Variants in SV2B observed in about 807,000 individuals in gnomAD.
The protein encoded by SV2B is synaptic vesicle glycoprotein 2B, also known as solute carrier family 22 member B2.
SV2B carries 41 observed loss-of-function variants against 73.9 expected under a neutral mutation model. The observed-to-expected ratio is 0.56, with a 90% CI of 0.43 to 0.72. The LOEUF is 0.72. SV2B is among the 30% of genes least tolerant of loss of function. The probability of loss-of-function intolerance (pLI) is 0.00; values close to 1 mark genes in which losing one functional copy is unlikely to be tolerated. For synonymous variants in SV2B, 314 were observed against 314.2 expected (o/e 1.00, Z 0.01); for missense variants, 764 against 857.8 (o/e 0.89, Z 1.37).
At chr15:91,112,611 T>C (rs1225583405) in intron 1 of SV2B, among the ~76,000 whole-genome samples, 1 of 152,166 alleles carries the variant, frequency 6.6e-6, no homozygotes, top group Non-Finnish European at 1.5e-5. Context: ...GGAAGCAGGA[T>C]TTGCCTGTAT....
chr15:91,255,343 G>T (rs62026598), intron 4 of SV2B, among the ~76,000 whole-genome samples: 17,896 of 152,064 alleles, frequency 0.12, 1,169 homozygotes, highest in Middle Eastern at 0.15. Context: ...CAGATGAGAT[G>T]ATTATTCTAA....
At chr15:91,180,425 A>G (rs959120507) in intron 1 of SV2B, among the ~76,000 whole-genome samples, 57 of 151,886 alleles carry the variant, frequency 3.8e-4, no homozygotes, top group African/African-American at 1.4e-3. Context: ...TATTTCCTGA[A>G]TCTGAATGTT....
In SV2B at chr15:91,258,645, C is replaced by T. The variant is rs761824784; in HGVS notation, c.918+91C>T. 2.4e-5 allele frequency: 38 copies of T among 1,567,752 alleles called. No individual in the cohort carries two copies. The highest frequency in any genetic ancestry group is 2.9e-5 in the Non-Finnish European group (34 of 1,154,578). On this transcript the variant is annotated intron_variant, in intron 5 of 12. Transcript: ENST00000394232. The surrounding 1 kb of genome is among the most constrained non-coding windows in gnomAD (Gnocchi z 4.7). ...CTTCTCTCAGCTCCTAGTCCCACAT[C>T]CTCTGCTGCTTATGTGTTGCAAACT...
chr15:91,249,136 T>G (rs2047380953), intron 2 of SV2B, among the ~76,000 whole-genome samples: 1 of 151,348 alleles, frequency 6.6e-6, no homozygotes, highest in African/African-American at 2.4e-5. Context: ...CTGTCCTACC[T>G]TCTAGCCTGA....
chr15:91,257,811 T>C (rs1380410012), intron 4 of SV2B, among the ~76,000 whole-genome samples: 1 of 152,128 alleles, frequency 6.6e-6, no homozygotes, highest in Middle Eastern at 3.2e-3. Flanking sequence ...TCATCCAGAT[T>C]ATGCTCTGGG....
rs62026603 is a variant in SV2B at position 91,268,662 on chromosome 15, A to C, written c.1373+57A>C. 0.1 allele frequency: 159,551 copies of C among 1,569,816 alleles called. 8,813 individuals are homozygous for C. Among genetic ancestry groups the C allele is most frequent in the Non-Finnish European group, 0.11 (132,399 of 1,151,316 alleles). ...CAGGGTGACAGTCGTGGGGACTGTT[A>C]TTGGGAGGGAGCCGGAGGGAAGATA... On this transcript the variant is annotated intron_variant, in intron 9 of 12. Coordinates refer to ENST00000394232, the MANE Select transcript of SV2B (RefSeq NM_001323032.3). This position sits in a 1 kb window ranked among gnomAD's most constrained non-coding sequence, Gnocchi z 4.4.
Position 91,122,791 on chromosome 15 carries a change from G to A in SV2B, c.-392+22428G>A, listed in dbSNP as rs530013856. On this transcript the variant is annotated intron_variant, in intron 1 of 12. Coordinates refer to ENST00000394232, the MANE Select transcript of SV2B (RefSeq NM_001323032.3). This position sits in a 1 kb window ranked among gnomAD's most constrained non-coding sequence, Gnocchi z 4.3. The stretch of plus-strand genomic sequence containing the variant: ...ACACTGCCTGATCTCACTGATAAAC[G>A]GAATCTAAAAAAGTTGAGCTCATCG... Among the ~76,000 whole-genome samples, 1 of 152,170 alleles carries A rather than the reference G, an allele frequency of 6.6e-6. No individual in the cohort carries two copies. Among genetic ancestry groups the A allele is most frequent in the Admixed American group, 6.5e-5 (1 of 15,288 alleles).
In SV2B at chr15:91,129,230, C is replaced by G. The variant is rs929412523; in HGVS notation, c.-392+28867C>G. On this transcript the variant is annotated intron_variant, in intron 1 of 12. Transcript: ENST00000394232. This position sits in a 1 kb window ranked among gnomAD's most constrained non-coding sequence, Gnocchi z 5.1. ...TGACACATTACAGAAATGAGTAGGTCAAAGATATCCAACCTTAAGAAAGTT... is the reference window on the plus strand; with the variant it reads ...TGACACATTACAGAAATGAGTAGGTGAAAGATATCCAACCTTAAGAAAGTT... Among the ~76,000 whole-genome samples the G allele has an allele frequency of 1.3e-5, 2 of 152,078 alleles. No individual in the cohort carries two copies. The highest frequency in any genetic ancestry group is 2.9e-5 in the Non-Finnish European group (2 of 68,032).
rs1028442125 is a variant in SV2B, at chr15:91,123,148, C to T, written c.-392+22785C>T. 6.6e-6 allele frequency among the ~76,000 whole-genome samples: 1 copy of T among 152,114 alleles called. No individual in the cohort carries two copies. The highest frequency in any genetic ancestry group is 1.5e-5 in the Non-Finnish European group (1 of 68,016). On this transcript the variant is annotated intron_variant, in intron 1 of 12. Coordinates refer to ENST00000394232, the MANE Select transcript of SV2B (RefSeq NM_001323032.3). The surrounding 1 kb of genome is among the most constrained non-coding windows in gnomAD (Gnocchi z 4.7). ...AATTAGCTAAGCATGGTGGTGTGCG[C>T]TTGTAGTCTCAGCTACCTGGGAGGC...
rs1279853784 is a variant in SV2B at position 91,289,021 on chromosome 15, T to C, written c.1709-500T>C. 6.6e-6 allele frequency among the ~76,000 whole-genome samples: 1 copy of C among 152,218 alleles called. No individual in the cohort carries two copies. Among genetic ancestry groups the C allele is most frequent in the Non-Finnish European group, 1.5e-5 (1 of 68,040 alleles). ...TTGTGTATGTAAACCACATTTTCTT[T>C]ATCCACTCATCTGTTGATGGCCACT... On this transcript the variant is annotated intron_variant, in intron 11 of 12. Coordinates refer to ENST00000394232, the MANE Select transcript of SV2B (RefSeq NM_001323032.3). The surrounding 1 kb of genome is among the most constrained non-coding windows in gnomAD (Gnocchi z 4.9).
In SV2B at chr15:91,236,265, C is replaced by T. The variant is rs1007376654; in HGVS notation, c.451+9551C>T. On this transcript the variant is annotated intron_variant, in intron 2 of 12. Coordinates refer to ENST00000394232, the MANE Select transcript of SV2B (RefSeq NM_001323032.3). The surrounding 1 kb of genome is among the most constrained non-coding windows in gnomAD (Gnocchi z 4.1). ...TAAATGAAAGATGTTTAGTAACTAC[C>T]AATTTGCTAATTATCAGAATAAACA... Among the ~76,000 whole-genome samples, 1 of 152,136 alleles carries T rather than the reference C, an allele frequency of 6.6e-6. No individual in the cohort carries two copies. Among genetic ancestry groups the T allele is most frequent in the Admixed American group, 6.5e-5 (1 of 15,274 alleles).
chr15:91,249,068 TCACA>T (rs59552488), intron 2 of SV2B, among the ~76,000 whole-genome samples: 5,469 of 142,048 alleles, frequency 0.039, 132 homozygotes, highest in Non-Finnish European at 0.053. Context: ...ATCTACGTTT[TCACA>T]CACACACACA....
At chr15:91,146,592 C>A (rs1216628783) in intron 1 of SV2B, among the ~76,000 whole-genome samples, 1 of 152,098 alleles carries the variant, frequency 6.6e-6, no homozygotes, top group Non-Finnish European at 1.5e-5. Context: ...AATGTTTTTT[C>A]ATTTAGGTTT....
chr15:91,150,305 C>A (rs1057097441), intron 1 of SV2B, among the ~76,000 whole-genome samples: 1 of 152,142 alleles, frequency 6.6e-6, no homozygotes, highest in African/African-American at 2.4e-5. Context: ...CCACGCCCGG[C>A]TTCTGTCTGT....
Position 91,290,776 on chromosome 15 carries a change from C to T in SV2B, c.1868+1096C>T, listed in dbSNP as rs1335056968. On this transcript the variant is annotated intron_variant, in intron 12 of 12. Coordinates refer to ENST00000394232, the MANE Select transcript of SV2B (RefSeq NM_001323032.3). The surrounding 1 kb of genome is among the most constrained non-coding windows in gnomAD (Gnocchi z 4.7). Reference sequence around the variant, plus strand: ...ATGCCAACTCAGTGATTTGGGAGGCCGAGGCAAAAGGATTGCTTGAAGGCT... The same window carrying T: ...ATGCCAACTCAGTGATTTGGGAGGCTGAGGCAAAAGGATTGCTTGAAGGCT... Among the ~76,000 whole-genome samples, 1 of 151,854 alleles carries T rather than the reference C, an allele frequency of 6.6e-6. No individual in the cohort carries two copies. The highest frequency in any genetic ancestry group is 1.9e-4 in the East Asian group (1 of 5,194).
chr15:91,221,488 T>C (rs1029860487), intron 1 of SV2B, among the ~76,000 whole-genome samples: 8 of 152,128 alleles, frequency 5.3e-5, no homozygotes, highest in Non-Finnish European at 1.0e-4. Context: ...ACAGGAATTA[T>C]AGGATGCTGG....
rs1031071251 is a variant in SV2B, at chr15:91,220,486, A to C, written c.-391-5387A>C. Among the ~76,000 whole-genome samples the C allele has an allele frequency of 1.3e-5, 2 of 152,268 alleles. No individual in the cohort carries two copies. Among genetic ancestry groups the C allele is most frequent in the African/African-American group, 4.8e-5 (2 of 41,476 alleles). On this transcript the variant is annotated intron_variant, in intron 1 of 12. Transcript: ENST00000394232. This position sits in a 1 kb window ranked among gnomAD's most constrained non-coding sequence, Gnocchi z 4.1. The stretch of plus-strand genomic sequence containing the variant: ...ACTGAAAGGAGAATATTAAAAGCCT[A>C]ATGCTCTACAGAACAGATTTTGGGA...
chr15:91,235,623 G>A (rs2046751050), intron 2 of SV2B, among the ~76,000 whole-genome samples: 1 of 152,154 alleles, frequency 6.6e-6, no homozygotes, highest in African/African-American at 2.4e-5. Context: ...TACAGATTCA[G>A]TATGGATTTA....
intron 6 of SV2B, among the ~76,000 whole-genome samples, chr15:91,263,818 C>T (rs1410982621): frequency 6.6e-6 from 1 of 152,228 alleles, no homozygotes; most frequent in Non-Finnish European, 1.5e-5. Flanking sequence ...TCCTTCCTTT[C>T]TCCGTGCCCC....
Sources: gnomAD v4.1 joint callset for allele counts (sites outside exome capture counted in the v4.1 genomes callset) on GRCh38, gnomAD v4.1.1 for gene constraint, Gnocchi (gnomAD v3.1) non-coding constraint, MANE v1.5 for transcripts, NCBI Gene and HGNC (gene_info 2026-07-23, HGNC 2026-07-21) for gene names.